Variants in SNX30 observed in about 807,000 individuals in gnomAD.
SNX30 encodes sorting nexin family member 30.
Under a neutral mutation model 46.4 loss-of-function variants are expected in SNX30, and 24 were observed. That is an observed-to-expected ratio of 0.52 (90% CI 0.37 to 0.73). SNX30 has a LOEUF of 0.73. SNX30 is among the 30% of genes least tolerant of loss of function. The probability of loss-of-function intolerance (pLI) is 0.00; values close to 1 mark genes in which losing one functional copy is unlikely to be tolerated. For synonymous variants in SNX30, 189 were observed against 211.5 expected, an observed-to-expected ratio of 0.89 and a Z score of 0.92; for missense variants, 533 against 555.7, an observed-to-expected ratio of 0.96 and a Z score of 0.41.
At position 112,804,929 on chromosome 9, in the gene SNX30, A is replaced by G; in HGVS notation, c.310A>G (p.Thr104Ala). The change falls in exon 2 of 9, where the codon ACA (threonine) becomes GCA (alanine). Residue 104 changes from threonine to alanine, a missense_variant. Coordinates refer to ENST00000374232, the MANE Select transcript of SNX30 (RefSeq NM_001012994.2). ...IVDDPKKHVC[T>A]METYITYRIT... ...TGATGATCCCAAGAAGCATGTGTGTACAATGGAGACTTACATCACCTATAG... is the reference window on the plus strand; with the variant it reads ...TGATGATCCCAAGAAGCATGTGTGTGCAATGGAGACTTACATCACCTATAG... 1.2e-6 allele frequency: 2 copies of G among 1,612,832 alleles called. No individual in the cohort carries two copies. Among genetic ancestry groups the G allele is most frequent in the Non-Finnish European group, 1.7e-6 (2 of 1,179,230 alleles).
rs184415773 is a variant in SNX30, at chr9:112,817,450, G to A, written c.349-255G>A. ...TTTTTTTGAGACGGAGTCTCGCTCT[G>A]TCACCCAGGCTGGAGTGCAGTGGTG... On this transcript the variant is annotated intron_variant, in intron 2 of 8. Coordinates refer to ENST00000374232, the MANE Select transcript of SNX30 (RefSeq NM_001012994.2). 8.7e-3 allele frequency among the ~76,000 whole-genome samples: 909 copies of A among 104,430 alleles called. 5 individuals carry two copies. The highest frequency in any genetic ancestry group is 0.014 in the Non-Finnish European group (769 of 56,060). 68.5% of individuals were successfully genotyped at this position (104,430 alleles called of 152,430 possible).
intron 1 of SNX30, among the ~76,000 whole-genome samples, chr9:112,781,638 C>CTT (rs551111826): frequency 1.4e-5 from 2 of 147,282 alleles, no homozygotes; most frequent in Non-Finnish European, 3.0e-5. Context: ...TTTATTAAAA[C>CTT]TTTTTTTTTT....
intron 4 of SNX30, among the ~76,000 whole-genome samples, chr9:112,832,451 AGAGAGAGAGTGT>A (rs1287016023): frequency 6.2e-5 from 8 of 129,906 alleles, no homozygotes; most frequent in African/African-American, 1.8e-4. Flanking sequence ...AGAGAGAGAG[AGAGAGAGAGTGT>A]GTGTGTGTGT....
intron 1 of SNX30, among the ~76,000 whole-genome samples, chr9:112,789,952 A>G (rs1839994264): frequency 6.6e-6 from 1 of 152,228 alleles, no homozygotes. Flanking sequence ...GCCTTGCCTT[A>G]TGAAAAATGG....
chr9:112,816,727 G>C (rs1251195335), intron 2 of SNX30, among the ~76,000 whole-genome samples: 2 of 152,186 alleles, frequency 1.3e-5, no homozygotes, highest in Non-Finnish European at 2.9e-5. Context: ...AATTAAAACA[G>C]ACTTTTGGCT....
chr9:112,838,525 G>T lies in SNX30; in HGVS notation c.842G>T (p.Gly281Val). 1 of 1,613,870 alleles carries T rather than the reference G, an allele frequency of 6.2e-7. No individual in the cohort carries two copies. Among genetic ancestry groups the T allele is most frequent in the Non-Finnish European group, 8.5e-7 (1 of 1,179,848 alleles). The change falls in exon 6 of 9, where the codon GGG becomes GTG. Residue 281 changes from glycine (G) to valine (V), a missense_variant. By Grantham distance (109) the Gly-to-Val change is moderately radical (BLOSUM62 -3). Coordinates refer to ENST00000374232, the MANE Select transcript of SNX30 (RefSeq NM_001012994.2). The part of the protein sequence containing the change: ...IEYLVELREY[G>V]PVYSTWSALE... ...TACCTTGTGGAGCTGAGAGAATACG[G>T]GCCTGTGTACTCCACATGGAGCGCC...
intron 3 of SNX30, among the ~76,000 whole-genome samples, chr9:112,830,056 A>T (rs745995107): frequency 6.6e-6 from 1 of 152,236 alleles, no homozygotes; most frequent in Non-Finnish European, 1.5e-5. Flanking sequence ...TCAAACTACT[A>T]TGGAAACAGA....
chr9:112,848,508 C>T (rs1362658920), intron 6 of SNX30, among the ~76,000 whole-genome samples: 1 of 152,202 alleles, frequency 6.6e-6, no homozygotes, highest in African/African-American at 2.4e-5. Flanking sequence ...CCTGAATGAG[C>T]CACTGCTGTG....
chr9:112,765,097 T>G (rs1226117294), intron 1 of SNX30, among the ~76,000 whole-genome samples: 1 of 152,000 alleles, frequency 6.6e-6, no homozygotes, highest in African/African-American at 2.4e-5. Context: ...AGTAAGGAAG[T>G]CCCAATTCCA....
chr9:112,768,330 T>A (rs537986622), intron 1 of SNX30, among the ~76,000 whole-genome samples: 66 of 152,234 alleles, frequency 4.3e-4, no homozygotes, highest in Non-Finnish European at 8.2e-4. Flanking sequence ...CGCTACTTAA[T>A]GTGTGGCTCA....
chr9:112,868,219 G>T (rs1269961055), intron 8 of SNX30, among the ~76,000 whole-genome samples: 1 of 152,204 alleles, frequency 6.6e-6, no homozygotes, highest in African/African-American at 2.4e-5. Flanking sequence ...ACCATGTTTG[G>T]ACATAATAAA....
chr9:112,865,213 A>G (rs1431533670), intron 8 of SNX30, among the ~76,000 whole-genome samples: 2 of 127,548 alleles, frequency 1.6e-5, no homozygotes, highest in African/African-American at 3.0e-5. Context: ...ACCTCACACA[A>G]CCCTCACACA....
rs1315373334 is a variant in SNX30 at position 112,873,636 on chromosome 9, CCTTT to C, written c.*4794_*4797del. ...GTAAGGAAACACAGGGACCACAAAACCTTTTTTTTTTTTTTAAGTGTGAAAGATT... is the reference window on the plus strand; with the variant it reads ...GTAAGGAAACACAGGGACCACAAAACTTTTTTTTTTTAAGTGTGAAAGATT... On this transcript the variant is annotated 3_prime_UTR_variant, in exon 9 of 9. Coordinates refer to ENST00000374232, the MANE Select transcript of SNX30 (RefSeq NM_001012994.2). The C allele has an allele frequency of 2.3e-5, 1 of 43,446 alleles. No homozygotes were observed. Among genetic ancestry groups the C allele is most frequent in the East Asian group, 7.1e-4 (1 of 1,410 alleles). The allele number at this position is 43,446 out of a possible 1,614,324, so 2.7% of individuals were successfully genotyped here.
At chr9:112,830,994 C>G (rs999916060) in intron 4 of SNX30, 111 bp downstream of exon 4, 8 of 1,142,490 alleles carry the variant, frequency 7.0e-6, no homozygotes, top group Non-Finnish European at 9.7e-6. Flanking sequence ...AACAAATAGC[C>G]GAGTGTGATG....
At position 112,868,816 on chromosome 9, in the gene SNX30, A is replaced by C. The variant is rs1841401261; in HGVS notation, c.1287A>C (p.Leu429=). 6.2e-7 allele frequency: 1 copy of C among 1,614,084 alleles called. No individual in the cohort carries two copies. Among genetic ancestry groups the C allele is most frequent in the Non-Finnish European group, 8.5e-7 (1 of 1,179,954 alleles). Residue 429 remains leucine (L), a synonymous_variant, in exon 9 of 9, where the codon CTA becomes CTC. Coordinates refer to ENST00000374232, the MANE Select transcript of SNX30 (RefSeq NM_001012994.2). ...TGGCGTGGGAGTCGATTATTCCACT[A>C]CTGCAGGAGAAACAAGAGGCCAAGT... ...CLMAWESIIP[L]LQEKQEAK is the part of the protein sequence containing the mutation.
chr9:112,883,429 G>A (rs1023189554), downstream of SNX30, among the ~76,000 whole-genome samples: 1 of 151,966 alleles, frequency 6.6e-6, no homozygotes, highest in South Asian at 2.1e-4. Flanking sequence ...TGTACCCTTT[G>A]GCAAGTTATT....
chr9:112,808,019 A>G (rs1344630859), intron 2 of SNX30, among the ~76,000 whole-genome samples: 3 of 152,158 alleles, frequency 2.0e-5, no homozygotes, highest in Non-Finnish European at 4.4e-5. Flanking sequence ...CTGATCCCAA[A>G]CCAGAGTTGT....
At chr9:112,792,481 A>G (rs1184791405) in intron 1 of SNX30, among the ~76,000 whole-genome samples, 3 of 152,084 alleles carry the variant, frequency 2.0e-5, no homozygotes, top group East Asian at 3.9e-4. Flanking sequence ...CTGGAGTACA[A>G]TGGTGCGATC....
At chr9:112,830,954 G>A in intron 4 of SNX30, 71 bp downstream of exon 4, 1 of 1,491,954 alleles carries the variant, frequency 6.7e-7, no homozygotes, top group Middle Eastern at 2.3e-4. Context: ...AAGCTGTTTT[G>A]AGCAGGACTC....
Sources: gnomAD v4.1 joint callset for allele counts (sites outside exome capture counted in the v4.1 genomes callset) on GRCh38, gnomAD v4.1.1 for gene constraint, MANE v1.5 for transcripts, NCBI Gene and HGNC (gene_info 2026-07-23, HGNC 2026-07-21) for gene names.